Variants in CSMD1 observed in about 807,000 individuals in gnomAD.
CSMD1 encodes the protein CUB and sushi domain-containing protein 1.
CSMD1 carries 213 observed loss-of-function variants against 417.5 expected under a neutral mutation model. The ratio of observed to expected loss-of-function variants is 0.51; its 90% confidence interval spans 0.46 to 0.57. CSMD1 has a LOEUF of 0.57. Among genes scored for constraint, CSMD1 ranks in the 20% least tolerant of loss-of-function variants. The pLI is 0.00. For synonymous variants in CSMD1, 2,862 were observed against 1,736.8 expected (o/e 1.65, Z -16.11); for missense variants, 6,923 against 4,529.7 (o/e 1.53, Z -15.17).
At chr8:3,435,977 T>C (rs576290370) in intron 12 of CSMD1, among the ~76,000 whole-genome samples, 3 of 152,288 alleles carry the variant, frequency 2.0e-5, no homozygotes, top group Admixed American at 1.3e-4. Flanking sequence ...TTTGCAACTT[T>C]GTATTTGCAA....
chr8:4,709,217 G>C (rs2116855504), intron 1 of CSMD1, among the ~76,000 whole-genome samples: 1 of 152,298 alleles, frequency 6.6e-6, no homozygotes. Context: ...CTCGATGGTA[G>C]AAGGAACCAG....
chr8:4,437,303 G>C (rs570305040), intron 2 of CSMD1, among the ~76,000 whole-genome samples: 4 of 152,112 alleles, frequency 2.6e-5, no homozygotes, highest in African/African-American at 7.2e-5. Flanking sequence ...TGATTATTTA[G>C]TTTGAGAGAA....
chr8:4,047,635 T>C (rs1473282547), intron 3 of CSMD1, among the ~76,000 whole-genome samples: 1 of 152,136 alleles, frequency 6.6e-6, no homozygotes, highest in Non-Finnish European at 1.5e-5. Context: ...GAATGCAATA[T>C]CGCCCTCAGT....
chr8:4,242,575 A>G (rs973496987), intron 3 of CSMD1, among the ~76,000 whole-genome samples: 2 of 152,182 alleles, frequency 1.3e-5, no homozygotes, highest in African/African-American at 4.8e-5. Context: ...AAAAACTCAG[A>G]AATGTTAATG....
At chr8:3,394,027 TATA>T (rs1563342373) in intron 17 of CSMD1, among the ~76,000 whole-genome samples, 23 of 63,024 alleles carry the variant, frequency 3.6e-4, no homozygotes, top group East Asian at 2.2e-3. Context: ...TATATATATA[TATA>T]TATATATATA....
intron 61 of CSMD1, 65 bp downstream of exon 61, chr8:2,962,401 C>G: frequency 7.1e-7 from 1 of 1,408,300 alleles, no homozygotes; most frequent in Non-Finnish European, 9.8e-7. Flanking sequence ...GACCCAATTT[C>G]GGAATGAAGC....
rs541836772 is a variant in CSMD1 at position 3,509,716 on chromosome 8, TATTA to T, written c.1345-15994_1345-15991del. Among the ~76,000 whole-genome samples, 961 of 152,342 alleles carry T rather than the reference TATTA, an allele frequency of 6.3e-3. 9 individuals are homozygous for T. The highest frequency in any genetic ancestry group is 0.022 in the African/African-American group (912 of 41,560). ...TTCAACTGCAGGGCTATTTGCTTCC[TATTA>T]ATTAACAGAATAATCAGAGTGATAT... On this transcript the variant is annotated intron_variant, in intron 10 of 69. Coordinates refer to ENST00000635120, the MANE Select transcript of CSMD1 (RefSeq NM_033225.6).
chr8:4,194,646 G>A (rs562518859), intron 3 of CSMD1, among the ~76,000 whole-genome samples: 13 of 151,900 alleles, frequency 8.6e-5, no homozygotes, highest in African/African-American at 2.4e-4. Context: ...TTTCTTGCAA[G>A]GAAAATAAAA....
intron 10 of CSMD1, among the ~76,000 whole-genome samples, chr8:3,516,949 T>C (rs1210722199): frequency 6.6e-6 from 1 of 152,108 alleles, no homozygotes. Context: ...AACGAGTGGA[T>C]AAAGAGGATG....
At chr8:4,761,939 C>A (rs1381491752) in intron 1 of CSMD1, among the ~76,000 whole-genome samples, 1 of 148,316 alleles carries the variant, frequency 6.7e-6, no homozygotes, top group African/African-American at 2.5e-5. Context: ...ATCTATCTAT[C>A]TATCTATCTA....
chr8:4,218,495 T>C (rs1361448334), intron 3 of CSMD1, among the ~76,000 whole-genome samples: 1 of 152,240 alleles, frequency 6.6e-6, no homozygotes, highest in East Asian at 1.9e-4. Flanking sequence ...TATGATCTTT[T>C]TCTAATAAAT....
intron 11 of CSMD1, among the ~76,000 whole-genome samples, chr8:3,481,789 A>G (rs1448839922): frequency 6.6e-6 from 1 of 152,162 alleles, no homozygotes; most frequent in Non-Finnish European, 1.5e-5. Context: ...TGGAAGAAGA[A>G]AGGGATGAAT....
intron 5 of CSMD1, among the ~76,000 whole-genome samples, chr8:3,791,012 G>C (rs994683962): frequency 1.3e-5 from 2 of 152,136 alleles, no homozygotes; most frequent in African/African-American, 4.8e-5. Flanking sequence ...AACACCTTCA[G>C]GTTATAAAGA....
intron 5 of CSMD1, among the ~76,000 whole-genome samples, chr8:3,824,333 C>A (rs988283983): frequency 1.1e-4 from 17 of 152,220 alleles, no homozygotes; most frequent in African/African-American, 4.1e-4. Context: ...TGAGAGGTTG[C>A]CAGATACTAT....
intron 3 of CSMD1, among the ~76,000 whole-genome samples, chr8:4,188,387 A>C (rs1461707840): frequency 6.6e-6 from 1 of 152,190 alleles, no homozygotes; most frequent in Non-Finnish European, 1.5e-5. Flanking sequence ...AGCAAACAAC[A>C]CAGGAAACAT....
chr8:4,425,260 C>T (rs904680607), intron 2 of CSMD1, among the ~76,000 whole-genome samples: 1 of 151,012 alleles, frequency 6.6e-6, no homozygotes, highest in African/African-American at 2.4e-5. Context: ...AAACGAGTGT[C>T]ATAAGACTAC....
intron 3 of CSMD1, among the ~76,000 whole-genome samples, chr8:4,124,529 C>A (rs1307205146): frequency 6.6e-6 from 1 of 152,132 alleles, no homozygotes; most frequent in Admixed American, 6.6e-5. Flanking sequence ...AGTATCAAAG[C>A]CCTGAGAACT....
intron 2 of CSMD1, among the ~76,000 whole-genome samples, chr8:4,503,254 G>T (rs964330522): frequency 6.6e-6 from 1 of 152,002 alleles, no homozygotes; most frequent in Non-Finnish European, 1.5e-5. Context: ...ATTGCACTTT[G>T]CCATGGCAGC....
At chr8:3,708,712 C>T (rs1246317755) in intron 6 of CSMD1, among the ~76,000 whole-genome samples, 1 of 152,078 alleles carries the variant, frequency 6.6e-6, no homozygotes, top group Non-Finnish European at 1.5e-5. Context: ...GCATCAGTGT[C>T]GGAAGCTAAA....
Sources: gnomAD v4.1 joint callset for allele counts (sites outside exome capture counted in the v4.1 genomes callset) on GRCh38, gnomAD v4.1.1 for gene constraint, MANE v1.5 for transcripts, NCBI Gene and HGNC (gene_info 2026-07-23, HGNC 2026-07-21) for gene names.